The following ACAP3 variants were observed in gnomAD, a reference collection of about 807,000 sequenced individuals.
ACAP3 encodes the protein ArfGAP with coiled-coil, ankyrin repeat and PH domains 3.
ACAP3 carries 56 observed loss-of-function variants against 104.1 expected under a neutral mutation model. That is an observed-to-expected ratio of 0.54 (90% confidence interval 0.43 to 0.67). The LOEUF is 0.67. Among genes scored for constraint, ACAP3 ranks in the 30% least tolerant of loss-of-function variants. The pLI, the probability that ACAP3 is intolerant of heterozygous loss-of-function variation, is 0.00. For missense variants in ACAP3, 1,208 were observed against 1,174.9 expected (o/e 1.03, Z -0.41); for synonymous variants, 628 against 496.2 (o/e 1.27, Z -3.53).
chr1:1,306,965 C>T, intron 1 of ACAP3: 1 of 406,666 alleles, frequency 2.5e-6, no homozygotes, highest in South Asian at 1.8e-5. Flanking sequence ...TCCACACGTC[C>T]TGTGCAAGGC....
At chr1:1,302,795 TCCCC>T in intron 4 of ACAP3, 123 bp downstream of exon 4, 1 of 167,380 alleles carries the variant, frequency 6.0e-6, no homozygotes, top group Non-Finnish European at 1.3e-5. Flanking sequence ...AATGTGGGAT[TCCCC>T]CCCCCCCCGA....
At chr1:1,302,205 C>T (rs1217295163) in intron 4 of ACAP3, among the ~76,000 whole-genome samples, 159 bp from the exon 5 acceptor site, 1 of 152,164 alleles carries the variant, frequency 6.6e-6, no homozygotes, top group African/African-American at 2.4e-5. Context: ...GGGAGCAGCC[C>T]CCAGGCCTGA....
chr1:1,294,098 G>T lies in ACAP3; in HGVS notation c.2241C>A (p.Gly747=). The change falls in exon 22 of 24, where the codon GGC becomes GGA. Residue 747 remains glycine, a synonymous_variant. Coordinates refer to ENST00000354700, the MANE Select transcript of ACAP3 (RefSeq NM_030649.3). ...TGGGTTGCGCGTCTCACCCGGTGCG[G>T]CCCAGCAGCGTGGCGTGGTGCAGGG... ...RAPLHHATLL[G]RTGQVCLFLK... The T allele has an allele frequency of 6.3e-7, 1 of 1,575,028 alleles. No homozygotes were observed. Among genetic ancestry groups the T allele is most frequent in the African/African-American group, 1.3e-5 (1 of 74,074 alleles).
intron 23 of ACAP3, 45 bp from the exon 24 acceptor site, chr1:1,293,753 G>GCCCCTGCCCTGGAGGCCCCGC: frequency 6.8e-7 from 1 of 1,460,808 alleles, no homozygotes; most frequent in Non-Finnish European, 9.0e-7. Flanking sequence ...TGGAGGCCCC[G>GCCCCTGCCCTGGAGGCCCCGC]CCCCTGCCCT....
rs1484796837 is a variant in ACAP3 at position 1,301,818 on chromosome 1, C to T, written c.338+170G>A. 7.7e-6 allele frequency: 4 copies of T among 522,112 alleles called. No homozygotes were observed. In the South Asian group the frequency reaches 1.2e-4, roughly 16 times the overall value. 32.3% of individuals were successfully genotyped at this position (522,112 alleles called of 1,614,324 possible). On this transcript the variant is annotated intron_variant, in intron 5 of 23. Coordinates refer to ENST00000354700, the MANE Select transcript of ACAP3 (RefSeq NM_030649.3). ...CCACCCACACATGCAGGGTGTGGAA[C>T]CCCCCGCACTCCACCCGGCTGTCTG...
At position 1,301,938 on chromosome 1, in the gene ACAP3, G is replaced by A. The variant is rs769580801; in HGVS notation, c.338+50C>T. 2.0e-6 allele frequency: 3 copies of A among 1,491,266 alleles called. No homozygotes were observed. In the South Asian group the frequency reaches 3.9e-5, roughly 19 times the overall value. The allele number at this position is 1,491,266 out of a possible 1,614,324, so 92.4% of individuals were successfully genotyped here. A position where few individuals can be genotyped will look rare whatever the true frequency, so the allele number is the denominator to read the frequency against. On this transcript the variant is annotated intron_variant, in intron 5 of 23. Transcript: ENST00000354700. ...GCCCCAGACCCCCTTCCCCTCCAAGGGAGGGAGCGTGGCCTCAGTGTTCTT... is the reference window on the plus strand; with the variant it reads ...GCCCCAGACCCCCTTCCCCTCCAAGAGAGGGAGCGTGGCCTCAGTGTTCTT...
intron 22 of ACAP3, 59 bp from the exon 23 acceptor site, chr1:1,293,992 G>GC (rs1640984325): frequency 1.4e-6 from 2 of 1,465,722 alleles, no homozygotes; most frequent in African/African-American, 2.9e-5. Context: ...GAGTGTGGTC[G>GC]CGGGGGCGTG....
In ACAP3 at chr1:1,294,452, C is replaced by A; in HGVS notation, c.2089G>T (p.Ala697Ser). The change falls in exon 21 of 24, where the codon GCG becomes TCG. Residue 697 changes from alanine (A) to serine (S), a missense_variant. Transcript: ENST00000354700. ...ALAHGAEVNW[A>S]DAEDEGKTPL... ...GTCTTGCCCTCATCCTCCGCGTCCG[C>A]CCAGTTGACCTCGGCCCCGTGGGCC... 1 of 1,572,948 alleles carries A rather than the reference C, an allele frequency of 6.4e-7. No individual in the cohort carries two copies. Among genetic ancestry groups the A allele is most frequent in the Non-Finnish European group, 8.6e-7 (1 of 1,165,738 alleles).
At position 1,303,937 on chromosome 1, in the gene ACAP3, C is replaced by CTAAG. The variant is rs1184097085; in HGVS notation, c.105+145_105+148dup. 2 of 937,962 alleles carry CTAAG rather than the reference C, an allele frequency of 2.1e-6. No individual in the cohort carries two copies. Among genetic ancestry groups the CTAAG allele is most frequent in the Admixed American group, 2.3e-5 (1 of 43,804 alleles). The allele number at this position is 937,962 out of a possible 1,614,324, so 58.1% of individuals were successfully genotyped here. The stretch of plus-strand genomic sequence containing the variant: ...ACATGTGCACCCTGGAACACACATG[C>CTAAG]TAAGACACAGGGACCAGGACCTGGA... On this transcript the variant is annotated intron_variant, in intron 2 of 23. Transcript: ENST00000354700. The surrounding 1 kb of genome is among the most constrained non-coding windows in gnomAD (Gnocchi z 4.0).
At position 1,302,292 on chromosome 1, in the gene ACAP3, C is replaced by G. The variant is rs550711935; in HGVS notation, c.280-246G>C. On this transcript the variant is annotated intron_variant, in intron 4 of 23. Transcript: ENST00000354700. ...CCCTTGATGAGTGCAGAGGCCAAGG[C>G]TGCCTCATCACAGCCTGAGCCGGAG... 3.9e-5 allele frequency among the ~76,000 whole-genome samples: 6 copies of G among 152,134 alleles called. No individual in the cohort carries two copies. In the East Asian group the frequency reaches 1.2e-3, roughly 29 times the overall value.
chr1:1,296,762 C>T lies in ACAP3; in HGVS notation c.1129-129G>A, dbSNP rs555535611. ...CCTCGAGCACACGCCCGCACACGCA[C>T]GTACACGCGCACACCCTCACGTGGG... On this transcript the variant is annotated intron_variant, in intron 14 of 23. Transcript: ENST00000354700. 1.0e-4 allele frequency: 97 copies of T among 959,306 alleles called. 1 individual carries two copies. The highest frequency in any genetic ancestry group is 4.2e-4 in the East Asian group (16 of 37,794). 59.4% of individuals were successfully genotyped at this position (959,306 alleles called of 1,614,324 possible).
intron 5 of ACAP3, among the ~76,000 whole-genome samples, chr1:1,301,248 T>G (rs1253076255): frequency 6.7e-6 from 1 of 149,312 alleles, no homozygotes; most frequent in East Asian, 2.0e-4. Flanking sequence ...TTTTTGGTTC[T>G]TGGGGGTGTC....
chr1:1,299,228 C>G (rs912842738), intron 10 of ACAP3, 117 bp downstream of exon 10: 25 of 1,338,364 alleles, frequency 1.9e-5, no homozygotes, highest in South Asian at 7.7e-5. Context: ...CAGCAGGAGC[C>G]GAGACTGGTG....
intron 5 of ACAP3, among the ~76,000 whole-genome samples, chr1:1,301,066 C>T (rs1430395199): frequency 1.3e-5 from 2 of 151,940 alleles, no homozygotes; most frequent in Non-Finnish European, 2.9e-5. Flanking sequence ...TGCGCCTGGC[C>T]TGGTTTTGTT....
At chr1:1,294,885 G>C (rs1230677561) in intron 19 of ACAP3, 69 bp from the exon 20 acceptor site, 5 of 1,490,534 alleles carry the variant, frequency 3.4e-6, no homozygotes, top group Non-Finnish European at 4.6e-6. Flanking sequence ...CCTGGGGCAA[G>C]GCTGGAACTC....
intron 1 of ACAP3, 199 bp from the exon 2 acceptor site, chr1:1,304,342 G>A: frequency 1.6e-6 from 1 of 625,156 alleles, no homozygotes; most frequent in Non-Finnish European, 2.7e-6. Flanking sequence ...CCAACCCCAG[G>A]CAGGCAGAGG....
intron 5 of ACAP3, chr1:1,301,737 T>A: frequency 1.5e-5 from 5 of 325,626 alleles, no homozygotes; most frequent in African/African-American, 2.2e-5. Flanking sequence ...TGCCCCAGAC[T>A]CCAGACCCCC....
At chr1:1,307,256 CCTTCCCCGCCGCT>C (rs1570672862) in intron 1 of ACAP3, 2 of 1,288,058 alleles carry the variant, frequency 1.6e-6, no homozygotes, top group East Asian at 1.1e-4. Context: ...CCCTACCTGA[CCTTCCCCGCCGCT>C]CTTCTCGGCC....
chr1:1,299,636 G>C (rs1641356430), intron 9 of ACAP3, 195 bp downstream of exon 9: 1 of 741,802 alleles, frequency 1.3e-6, no homozygotes, highest in Non-Finnish European at 2.2e-6. Flanking sequence ...GGAGATCCCA[G>C]CAGCGGCCCC....
Sources: gnomAD v4.1 joint callset for allele counts (sites outside exome capture counted in the v4.1 genomes callset) on GRCh38, gnomAD v4.1.1 for gene constraint, Gnocchi (gnomAD v3.1) non-coding constraint, MANE v1.5 for transcripts, NCBI Gene and HGNC (gene_info 2026-07-23, HGNC 2026-07-21) for gene names.